SMOC2: variants seen among roughly 807,000 people sequenced by gnomAD.
SMOC2 encodes SPARC related modular calcium binding 2.
In SMOC2, 39 loss-of-function variants were observed where a neutral mutation model predicts 61.4. The observed-to-expected ratio is 0.64, with a 90% CI of 0.49 to 0.83. The LOEUF (loss-of-function observed/expected upper bound fraction) is 0.83. Ranked by LOEUF, SMOC2 falls within the 40% of genes least tolerant of loss-of-function variation. SMOC2 has a pLI of 0.00. For synonymous variants in SMOC2, 247 were observed against 239.9 expected (o/e 1.03, Z -0.27); for missense variants, 556 against 592.9 (o/e 0.94, Z 0.65).
chr6:168,644,644 C>CTTTTT lies in SMOC2; in HGVS notation c.908-6018_908-6014dup, dbSNP rs34203137. ...ATGTTGGGTCAATGTGAATGCCTTT[C>CTTTTT]TTTTTTTTTTTTTTTTTTTTTTTGA... is the stretch of plus-strand genomic sequence containing the variant. On this transcript the variant is annotated intron_variant, in intron 9 of 12. Transcript: ENST00000356284. Among the ~76,000 whole-genome samples the CTTTTT allele has an allele frequency of 5.4e-3, 540 of 99,406 alleles. 1 individual carries two copies. Among genetic ancestry groups the CTTTTT allele is most frequent in the African/African-American group, 8.2e-3 (222 of 27,194 alleles). 65.2% of individuals were successfully genotyped at this position (99,406 alleles called of 152,430 possible). A position where few individuals can be genotyped will look rare whatever the true frequency, so the allele number is the denominator to read the frequency against.
intron 2 of SMOC2, among the ~76,000 whole-genome samples, chr6:168,515,630 C>T (rs1391419920): frequency 6.6e-6 from 1 of 152,284 alleles, no homozygotes; most frequent in Non-Finnish European, 1.5e-5. Flanking sequence ...CCTTCCTAGG[C>T]CTCGCCCTGA....
At position 168,527,708 on chromosome 6, in the gene SMOC2, C is replaced by A; in HGVS notation, c.444C>A (p.His148Gln). ...CCATCAGCGGCACTGCCGTGGCCCA[C>A]AAGACGCCCCGGTGCCCGGGTAGGT... ...GRPISGTAVA[H>Q]KTPRCPGSVN... is the part of the protein sequence containing the mutation. Residue 148 changes from histidine (H) to glutamine (Q), a missense_variant, in exon 4 of 13, where the codon CAC (histidine) becomes CAA (glutamine). Transcript: ENST00000356284. The A allele has an allele frequency of 1.3e-6, 2 of 1,551,468 alleles. No homozygotes were observed. Among genetic ancestry groups the A allele is most frequent in the African/African-American group, 1.4e-5 (1 of 73,292 alleles).
intron 4 of SMOC2, among the ~76,000 whole-genome samples, chr6:168,530,723 G>A (rs928621735): frequency 1.3e-5 from 2 of 151,220 alleles, no homozygotes; most frequent in African/African-American, 2.4e-5. Flanking sequence ...ACAGAGCTGC[G>A]GGTGTGGTGG....
intron 4 of SMOC2, among the ~76,000 whole-genome samples, chr6:168,537,215 CCGG>C (rs1783753274): frequency 6.6e-6 from 1 of 150,906 alleles, no homozygotes; most frequent in African/African-American, 2.5e-5. Context: ...TAGCTGAAAG[CCGG>C]TCCTATTTAG....
chr6:168,592,188 T>G (rs1785196765), intron 7 of SMOC2, among the ~76,000 whole-genome samples: 1 of 152,342 alleles, frequency 6.6e-6, no homozygotes, highest in South Asian at 2.1e-4. Flanking sequence ...TTCTCTACCC[T>G]TGCCATCCTG....
chr6:168,483,059 T>G (rs1359254235), intron 1 of SMOC2, among the ~76,000 whole-genome samples: 2 of 151,954 alleles, frequency 1.3e-5, no homozygotes, highest in African/African-American at 2.4e-5. Flanking sequence ...GCTAGAACAA[T>G]TAGGCAAGAA....
At chr6:168,611,871 G>A (rs1785878433) in intron 9 of SMOC2, among the ~76,000 whole-genome samples, 1 of 152,134 alleles carries the variant, frequency 6.6e-6, no homozygotes, top group African/African-American at 2.4e-5. Flanking sequence ...GGATGCCCAG[G>A]CGGCCGGCCA....
intron 1 of SMOC2, among the ~76,000 whole-genome samples, chr6:168,449,783 A>G (rs967867401): frequency 6.6e-6 from 1 of 152,260 alleles, no homozygotes; most frequent in Non-Finnish European, 1.5e-5. Flanking sequence ...TTAATGAAGC[A>G]TAAAATAAAC....
At chr6:168,518,610 T>C (rs1783214973) in intron 2 of SMOC2, among the ~76,000 whole-genome samples, 1 of 93,250 alleles carries the variant, frequency 1.1e-5, no homozygotes, top group Non-Finnish European at 3.1e-5. Flanking sequence ...TTCATGTGTG[T>C]GCATGTATGA....
intron 8 of SMOC2, among the ~76,000 whole-genome samples, chr6:168,600,583 G>A (rs1289094264): frequency 2.6e-5 from 4 of 152,256 alleles, no homozygotes; most frequent in African/African-American, 9.6e-5. Context: ...CACGCCGGAC[G>A]GAATCTGAAA....
At chr6:168,656,016 C>T (rs2115280259) in intron 11 of SMOC2, among the ~76,000 whole-genome samples, 1 of 152,376 alleles carries the variant, frequency 6.6e-6, no homozygotes, top group African/African-American at 2.4e-5. Flanking sequence ...TGTGCTGGAT[C>T]TCATTCCACA....
At chr6:168,659,074 T>TG (rs1787407324) in intron 11 of SMOC2, among the ~76,000 whole-genome samples, 2 of 150,432 alleles carry the variant, frequency 1.3e-5, no homozygotes, top group African/African-American at 4.9e-5. Flanking sequence ...GTGTGAGTGG[T>TG]GTGTATGTAT....
intron 11 of SMOC2, among the ~76,000 whole-genome samples, chr6:168,656,002 CAT>C (rs1253176825): frequency 6.6e-6 from 1 of 152,228 alleles, no homozygotes; most frequent in African/African-American, 2.4e-5. Context: ...TCCCACTGCA[CAT>C]GTGTGCTGGA....
intron 7 of SMOC2, among the ~76,000 whole-genome samples, chr6:168,597,542 A>G (rs1785364251): frequency 6.6e-6 from 1 of 152,242 alleles, no homozygotes; most frequent in Non-Finnish European, 1.5e-5. Context: ...CACACCAGCT[A>G]TGGCAGTGCT....
chr6:168,524,063 G>T (rs1783399717), intron 2 of SMOC2, among the ~76,000 whole-genome samples: 1 of 152,044 alleles, frequency 6.6e-6, no homozygotes, highest in African/African-American at 2.4e-5. Context: ...GCATATAATG[G>T]CTTAGAGTGA....
At chr6:168,534,409 G>C (rs1783686455) in intron 4 of SMOC2, among the ~76,000 whole-genome samples, 1 of 152,234 alleles carries the variant, frequency 6.6e-6, no homozygotes, top group African/African-American at 2.4e-5. Context: ...AGGCCGGCTT[G>C]GGAAGAGTGG....
At chr6:168,495,035 C>T (rs144139030) in intron 1 of SMOC2, among the ~76,000 whole-genome samples, 256 of 152,352 alleles carry the variant, frequency 1.7e-3, no homozygotes, top group African/African-American at 5.9e-3. Context: ...TCCTGAAACC[C>T]GCAGGGAACC....
At chr6:168,503,441 T>C (rs752688411) in intron 1 of SMOC2, among the ~76,000 whole-genome samples, 3 of 152,146 alleles carry the variant, frequency 2.0e-5, no homozygotes, top group Non-Finnish European at 4.4e-5. Flanking sequence ...GAGCTCCTCC[T>C]GGTGAGTCTC....
intron 1 of SMOC2, among the ~76,000 whole-genome samples, chr6:168,480,643 C>G (rs989447268): frequency 6.6e-6 from 1 of 151,378 alleles, no homozygotes; most frequent in South Asian, 2.1e-4. Flanking sequence ...ATCAAGTGGA[C>G]CAACATACAT....
Sources: allele counts gnomAD v4.1 joint callset (sites outside exome capture counted in the v4.1 genomes callset), GRCh38; gene constraint gnomAD v4.1.1; transcripts MANE v1.5; gene names NCBI Gene and HGNC (gene_info 2026-07-23, HGNC 2026-07-21).